The following SND1 variants were observed in gnomAD, a reference collection of about 807,000 sequenced individuals.
SND1 encodes the protein staphylococcal nuclease domain-containing protein 1.
Under a neutral mutation model 121.7 loss-of-function variants are expected in SND1, and 38 were observed. The ratio of observed to expected loss-of-function variants is 0.31; its 90% CI spans 0.24 to 0.41. The LOEUF is 0.41. SND1 is among the 10% of genes least tolerant of loss of function. The probability of loss-of-function intolerance (pLI) is 1.00; values close to 1 mark genes in which losing one functional copy is unlikely to be tolerated. For missense variants in SND1, 868 were observed against 1,184.6 expected, an observed-to-expected ratio of 0.73 and a Z score of 3.92; for synonymous variants, 401 against 447.4, an observed-to-expected ratio of 0.90 and a Z score of 1.31.
At chr7:127,708,797 C>T (rs1414894066) in intron 9 of SND1, among the ~76,000 whole-genome samples, 1 of 152,140 alleles carries the variant, frequency 6.6e-6, no homozygotes, top group Non-Finnish European at 1.5e-5. Context: ...TTTACTTTTG[C>T]CAAGAGATGC....
chr7:127,711,809 T>C (rs776371799), intron 9 of SND1, among the ~76,000 whole-genome samples: 3 of 152,124 alleles, frequency 2.0e-5, no homozygotes, highest in Non-Finnish European at 4.4e-5. Context: ...TTTCAGTAGT[T>C]TTATTGACAT....
intron 15 of SND1, among the ~76,000 whole-genome samples, chr7:127,990,089 A>G (rs192362143): frequency 1.5e-3 from 226 of 152,346 alleles, no homozygotes; most frequent in Non-Finnish European, 2.4e-3. Flanking sequence ...GGGAATTGCT[A>G]AGAGTGATAA....
chr7:128,074,013 C>T (rs1157853403), intron 16 of SND1, among the ~76,000 whole-genome samples: 1 of 152,186 alleles, frequency 6.6e-6, no homozygotes, highest in East Asian at 1.9e-4. Context: ...CTCCCCCTCT[C>T]CTCTCCTGCT....
intron 1 of SND1, among the ~76,000 whole-genome samples, chr7:127,671,556 G>A (rs147524501): frequency 6.6e-6 from 1 of 152,240 alleles, no homozygotes; most frequent in African/African-American, 2.4e-5. Context: ...GAGTGCAGTG[G>A]CTCTTCACAG....
At chr7:127,928,736 G>T (rs1196422672) in intron 14 of SND1, among the ~76,000 whole-genome samples, 1 of 152,056 alleles carries the variant, frequency 6.6e-6, no homozygotes, top group Non-Finnish European at 1.5e-5. Context: ...TTACAGGCAT[G>T]TGCCACCATG....
At chr7:127,971,278 A>G (rs991960602) in intron 15 of SND1, among the ~76,000 whole-genome samples, 6 of 152,222 alleles carry the variant, frequency 3.9e-5, no homozygotes, top group African/African-American at 1.4e-4. Flanking sequence ...ATAGATGAAG[A>G]AAGAAAAAGG....
At chr7:127,857,183 CT>C (rs71522259) in intron 12 of SND1, among the ~76,000 whole-genome samples, 72 of 67,984 alleles carry the variant, frequency 1.1e-3, no homozygotes, top group African/African-American at 2.1e-3. Context: ...AATGTCAACA[CT>C]TTTTTTTTTT....
At chr7:127,702,410 T>C (rs760361249) in intron 5 of SND1, 25 bp from the exon 6 acceptor site, 1 of 1,604,452 alleles carries the variant, frequency 6.2e-7, no homozygotes. Context: ...TGCTAAGGAC[T>C]TAAGCTGTTT....
chr7:127,716,626 G>A (rs185592995), intron 9 of SND1, among the ~76,000 whole-genome samples: 1 of 151,774 alleles, frequency 6.6e-6, no homozygotes, highest in African/African-American at 2.4e-5. Flanking sequence ...TTACCTATAC[G>A]TCATCTGGGA....
At chr7:128,083,794 G>A (rs761513349) in intron 18 of SND1, among the ~76,000 whole-genome samples, 12 of 152,256 alleles carry the variant, frequency 7.9e-5, no homozygotes, top group African/African-American at 2.2e-4. Flanking sequence ...CTTCTGAGAC[G>A]CAAGGGGCAA....
Position 128,029,425 on chromosome 7 carries a change from C to T in SND1, c.1779+38369C>T, listed in dbSNP as rs778062327. On this transcript the variant is annotated intron_variant, in intron 16 of 23. Transcript: ENST00000354725. This position sits in a 1 kb window ranked among gnomAD's most constrained non-coding sequence, Gnocchi z 4.2. ...ACGTGGGAAAAGTTCAAGGTGCCGT[C>T]GTTGAGGACAGAGATCCTTGGGTGG... 22 of 1,614,030 alleles carry T rather than the reference C, an allele frequency of 1.4e-5. No individual in the cohort carries two copies. The highest frequency in any genetic ancestry group is 1.6e-4 in the Middle Eastern group (1 of 6,084).
intron 15 of SND1, among the ~76,000 whole-genome samples, chr7:127,934,436 G>A (rs2116828039): frequency 6.6e-6 from 1 of 152,280 alleles, no homozygotes; most frequent in South Asian, 2.1e-4. Context: ...CTCGGGTTAA[G>A]TAAATTCATT....
intron 20 of SND1, among the ~76,000 whole-genome samples, chr7:128,086,093 C>G (rs1041411712): frequency 1.3e-5 from 2 of 152,210 alleles, no homozygotes; most frequent in African/African-American, 4.8e-5. Flanking sequence ...CATGGAGGGC[C>G]TTTACACCCA....
chr7:127,921,391 A>G (rs900592232), intron 14 of SND1, among the ~76,000 whole-genome samples: 4 of 152,180 alleles, frequency 2.6e-5, no homozygotes, highest in African/African-American at 9.6e-5. Context: ...TTAATACACT[A>G]GTATTCAAAG....
At chr7:128,050,285 T>C (rs1182903296) in intron 16 of SND1, among the ~76,000 whole-genome samples, 1 of 152,270 alleles carries the variant, frequency 6.6e-6, no homozygotes, top group Non-Finnish European at 1.5e-5. Flanking sequence ...TGCATGTTTA[T>C]GTCATTTGCA....
intron 13 of SND1, among the ~76,000 whole-genome samples, chr7:127,888,638 T>G (rs1363249156): frequency 6.6e-6 from 1 of 152,060 alleles, no homozygotes; most frequent in African/African-American, 2.4e-5. Context: ...CAGGGAGTCT[T>G]TTGTCACTGG....
chr7:128,038,219 C>A (rs942097175), intron 16 of SND1, among the ~76,000 whole-genome samples: 38 of 152,134 alleles, frequency 2.5e-4, no homozygotes, highest in African/African-American at 8.9e-4. Flanking sequence ...TATTTTTTCC[C>A]AAATGGACTA....
intron 10 of SND1, among the ~76,000 whole-genome samples, chr7:127,759,021 T>C (rs1372469549): frequency 6.6e-6 from 1 of 151,700 alleles, no homozygotes; most frequent in Non-Finnish European, 1.5e-5. Flanking sequence ...GCCACTGCAC[T>C]CTGGCCTGGG....
intron 11 of SND1, among the ~76,000 whole-genome samples, chr7:127,839,795 T>A (rs1447387517): frequency 2.6e-5 from 4 of 152,212 alleles, no homozygotes; most frequent in Non-Finnish European, 5.9e-5. Context: ...TGAGAAAGTA[T>A]GTATGTTTCA....
Sources: allele counts gnomAD v4.1 joint callset (sites outside exome capture counted in the v4.1 genomes callset), GRCh38; gene constraint gnomAD v4.1.1; non-coding constraint Gnocchi (gnomAD v3.1); transcripts MANE v1.5; gene names NCBI Gene and HGNC (gene_info 2026-07-23, HGNC 2026-07-21).